R3HDML: variants seen among roughly 807,000 people sequenced by gnomAD.
R3HDML encodes R3H domain containing like.
In R3HDML, 21 loss-of-function variants were observed where a neutral mutation model predicts 24.2. That is an observed-to-expected ratio of 0.87 (90% confidence interval 0.62 to 1.25). The LOEUF (loss-of-function observed/expected upper bound fraction) is 1.25. Ranked by LOEUF, R3HDML falls within the 50% of genes most tolerant of loss-of-function variation. The pLI is 0.00. For synonymous variants in R3HDML, 133 were observed against 131.5 expected (o/e 1.01, Z -0.08); for missense variants, 301 against 340.3 (o/e 0.88, Z 0.91).
chr20:44,339,951 G>A (rs1241218452), intron 1 of R3HDML, among the ~76,000 whole-genome samples: 1 of 151,542 alleles, frequency 6.6e-6, no homozygotes, highest in Non-Finnish European at 1.5e-5. Context: ...ACTAATTTTT[G>A]TATTATCATT....
At chr20:44,347,258 G>A (rs550115342) in intron 4 of R3HDML, among the ~76,000 whole-genome samples, 30 of 149,562 alleles carry the variant, frequency 2.0e-4, no homozygotes, top group African/African-American at 7.1e-4. Context: ...TTGCTCTGTC[G>A]CCCAGGCTGG....
intron 4 of R3HDML, chr20:44,347,720 A>C (rs2062792118): frequency 1.3e-5 from 2 of 152,230 alleles, no homozygotes; most frequent in Admixed American, 1.3e-4. Context: ...TCACAAAGCC[A>C]ACAAGTAGTA....
Position 44,343,482 on chromosome 20 carries a change from TG to T in R3HDML, c.488del (p.Gly163AlafsTer83). ...CNPHCPWRCD[G>X]PTCSHYTQMV... Reference sequence around the variant, plus strand: ...ACCCACACTGCCCCTGGCGCTGCGATGGCCCCACCTGCTCCCATTATACCCA... The same window carrying T: ...ACCCACACTGCCCCTGGCGCTGCGATGCCCCACCTGCTCCCATTATACCCA... On this transcript the variant is annotated frameshift_variant, in exon 3 of 5. Transcript: ENST00000217043. LOFTEE classifies it high-confidence loss of function. The T allele has an allele frequency of 6.2e-7, 1 of 1,611,558 alleles. No homozygotes were observed. The highest frequency in any genetic ancestry group is 8.5e-7 in the Non-Finnish European group (1 of 1,178,964).
Position 44,337,171 on chromosome 20 carries a change from C to T in R3HDML, c.14C>T (p.Pro5Leu), listed in dbSNP as rs144098855. MPLL[P>L]STVGLAGLLF... ...CTCCATCCAGCTATGCCCCTGCTGC[C>T]CAGCACCGTGGGCCTGGCAGGCCTG... Residue 5 changes from proline (P) to leucine (L), a missense_variant, in exon 1 of 5, where the codon CCC (proline) becomes CTC (leucine). Physicochemically the swap from Pro to Leu is moderately conservative, Grantham distance 98 (BLOSUM62 -3). Coordinates refer to ENST00000217043, the MANE Select transcript of R3HDML (RefSeq NM_178491.4). This position sits in a 1 kb window ranked among gnomAD's most constrained non-coding sequence, Gnocchi z 4.7. 1,338 of 1,613,212 alleles carry T rather than the reference C, an allele frequency of 8.3e-4. 13 individuals carry two copies. The highest frequency in any genetic ancestry group is 2.8e-4 in the Non-Finnish European group (336 of 1,179,856).
At chr20:44,341,530 T>G (rs1405228904) in intron 2 of R3HDML, among the ~76,000 whole-genome samples, 7 of 152,144 alleles carry the variant, frequency 4.6e-5, no homozygotes, top group African/African-American at 1.4e-4. Flanking sequence ...TTGTTTGGTT[T>G]GAGAACAAAC....
Position 44,337,756 on chromosome 20 carries a change from G to A in R3HDML, c.261+338G>A, listed in dbSNP as rs2146106796. On this transcript the variant is annotated intron_variant, in intron 1 of 4. Coordinates refer to ENST00000217043, the MANE Select transcript of R3HDML (RefSeq NM_178491.4). This position sits in a 1 kb window ranked among gnomAD's most constrained non-coding sequence, Gnocchi z 4.7. ...TCAGAGAATTAATTTGCCCAGCCAG[G>A]ATTTCAATCCAGGTCTGCCTGCTGC... 8.4e-6 allele frequency among the ~76,000 whole-genome samples: 1 copy of A among 119,600 alleles called. No homozygotes were observed. The allele number at this position is 119,600 out of a possible 152,430, so 78.5% of individuals were successfully genotyped here. A position where few individuals can be genotyped will look rare whatever the true frequency, so the allele number is the denominator to read the frequency against.
intron 1 of R3HDML, among the ~76,000 whole-genome samples, chr20:44,339,076 A>AT (rs1201552320): frequency 2.0e-5 from 3 of 151,528 alleles, no homozygotes; most frequent in Non-Finnish European, 4.4e-5. Flanking sequence ...AAAAAAAAAA[A>AT]AAAAAAAATA....
rs1330089459 is a variant in R3HDML, at chr20:44,345,520, A to G, written c.629+142A>G. 4.8e-6 allele frequency: 3 copies of G among 622,540 alleles called. No homozygotes were observed. In the East Asian group the frequency reaches 8.9e-5, roughly 18 times the overall value. 38.6% of individuals were successfully genotyped at this position (622,540 alleles called of 1,614,324 possible). On this transcript the variant is annotated intron_variant, in intron 4 of 4. Transcript: ENST00000217043. Reference sequence around the variant, plus strand: ...ATTTGGGTAGTTTTAAGAGTTTACTAAGGCCGAGCATGGTGGCTCACGCCT... The same window carrying G: ...ATTTGGGTAGTTTTAAGAGTTTACTGAGGCCGAGCATGGTGGCTCACGCCT...
intron 2 of R3HDML, 142 bp from the exon 3 acceptor site, chr20:44,343,235 G>A: frequency 1.0e-6 from 1 of 996,914 alleles, no homozygotes; most frequent in Non-Finnish European, 1.5e-6. Flanking sequence ...GTGAGGCAGG[G>A]CCACTGCCCT....
At chr20:44,347,954 ATTTTTTTTTTTT>A (rs35413702) in intron 4 of R3HDML, 4 of 105,428 alleles carry the variant, frequency 3.8e-5, no homozygotes, top group Admixed American at 1.1e-4. Flanking sequence ...ATAGCGTCTA[ATTTTTTTTTTTT>A]TTTTTTTTTT....
intron 4 of R3HDML, among the ~76,000 whole-genome samples, chr20:44,346,762 A>T (rs2062788108): frequency 6.6e-6 from 1 of 152,200 alleles, no homozygotes; most frequent in African/African-American, 2.4e-5. Flanking sequence ...GCTGGGTGGG[A>T]GAGTTTAGGA....
rs770818600 is a variant in R3HDML, at chr20:44,345,280, C to A, written c.531C>A (p.Ser177=). 1.2e-6 allele frequency: 2 copies of A among 1,614,106 alleles called. No homozygotes were observed. The highest frequency in any genetic ancestry group is 1.7e-6 in the Non-Finnish European group (2 of 1,179,972). ...TTCACCAGATGGTGTGGGCATCCTC[C>A]AATCGGCTGGGCTGTGCCATCCACA... is the stretch of plus-strand genomic sequence containing the variant. The part of the protein sequence containing the change: ...SHYTQMVWAS[S]NRLGCAIHTC... The change falls in exon 4 of 5, where the codon TCC becomes TCA. Residue 177 remains serine, a synonymous_variant. Transcript: ENST00000217043.
chr20:44,340,300 A>G (rs2062768839), intron 1 of R3HDML, among the ~76,000 whole-genome samples: 1 of 152,044 alleles, frequency 6.6e-6, no homozygotes, highest in Non-Finnish European at 1.5e-5. Context: ...CATGTTGGCC[A>G]GGATGGTCTC....
rs1389911708 is a variant in R3HDML, at chr20:44,345,275, T to A, written c.526T>A (p.Ser176Thr). The A allele has an allele frequency of 6.2e-7, 1 of 1,614,032 alleles. No individual in the cohort carries two copies. The highest frequency in any genetic ancestry group is 1.6e-4 in the Middle Eastern group (1 of 6,062). ...TGTCCTTCACCAGATGGTGTGGGCA[T>A]CCTCCAATCGGCTGGGCTGTGCCAT... is the stretch of plus-strand genomic sequence containing the variant. ...CSHYTQMVWASSNRLGCAIHT... is the reference protein window; with the variant it reads ...CSHYTQMVWATSNRLGCAIHT... The change falls in exon 4 of 5, where the codon TCC becomes ACC. Residue 176 changes from serine (S) to threonine (T), a missense_variant. Coordinates refer to ENST00000217043, the MANE Select transcript of R3HDML (RefSeq NM_178491.4).
At chr20:44,343,533 G>A in intron 3 of R3HDML, 24 bp downstream of exon 3, 2 of 1,568,740 alleles carry the variant, frequency 1.3e-6, no homozygotes, top group Non-Finnish European at 1.7e-6. Flanking sequence ...AGGGCTGAGG[G>A]CCCCTGGGAT....
At chr20:44,343,815 C>G (rs76795006) in intron 3 of R3HDML, among the ~76,000 whole-genome samples, 2 of 151,678 alleles carry the variant, frequency 1.3e-5, no homozygotes, top group Non-Finnish European at 2.9e-5. Flanking sequence ...CTGTCCCCCC[C>G]GCAAAAAATT....
rs746766057 is a variant in R3HDML at position 44,337,400 on chromosome 20, C to T, written c.243C>T (p.Ala81=). 57 of 1,613,282 alleles carry T rather than the reference C, an allele frequency of 3.5e-5. No homozygotes were observed. The highest frequency in any genetic ancestry group is 5.0e-5 in the Admixed American group (3 of 59,986). The change falls in exon 1 of 5, where the codon GCC becomes GCT. Residue 81 remains alanine (A), a synonymous_variant. Coordinates refer to ENST00000217043, the MANE Select transcript of R3HDML (RefSeq NM_178491.4). This position sits in a 1 kb window ranked among gnomAD's most constrained non-coding sequence, Gnocchi z 4.7. ...NHIRASVYPP[A]ANMEYMVWDK... ...TCCGGGCCAGTGTGTACCCACCTGCCGCCAACATGGAATACATGGTGAGTC... is the reference window on the plus strand; with the variant it reads ...TCCGGGCCAGTGTGTACCCACCTGCTGCCAACATGGAATACATGGTGAGTC...
At chr20:44,338,467 G>A (rs1285582588) in intron 1 of R3HDML, among the ~76,000 whole-genome samples, 1 of 152,136 alleles carries the variant, frequency 6.6e-6, no homozygotes, top group Non-Finnish European at 1.5e-5. Context: ...GGGAGGGGCG[G>A]GAATAAGAGC....
intron 4 of R3HDML, among the ~76,000 whole-genome samples, chr20:44,345,869 G>A (rs1227523227): frequency 6.7e-6 from 1 of 148,680 alleles, no homozygotes; most frequent in Non-Finnish European, 1.5e-5. Context: ...AGCCAGGCTG[G>A]AATGCAGTGG....
Sources: allele counts gnomAD v4.1 joint callset (sites outside exome capture counted in the v4.1 genomes callset), GRCh38; gene constraint gnomAD v4.1.1; non-coding constraint Gnocchi (gnomAD v3.1); transcripts MANE v1.5; gene names NCBI Gene and HGNC (gene_info 2026-07-23, HGNC 2026-07-21).